Variants in ASTE1 observed in about 807,000 individuals in gnomAD.
ASTE1 encodes asteroid structure-specific endonuclease 1.
A neutral mutation model predicts 45.8 loss-of-function variants in ASTE1; 49 were observed. That is an observed-to-expected ratio of 1.07 (90% confidence interval 0.85 to 1.36). The LOEUF (loss-of-function observed/expected upper bound fraction) is 1.36. Ranked by LOEUF, ASTE1 falls within the 40% of genes most tolerant of loss-of-function variation. ASTE1 has a pLI of 0.00. For missense variants in ASTE1, 709 were observed against 804.0 expected (o/e 0.88, Z 1.43); for synonymous variants, 296 against 303.9 (o/e 0.97, Z 0.27).
At position 131,014,127 on chromosome 3, in the gene ASTE1, C is replaced by G. The variant is rs751936370; in HGVS notation, c.1970G>C (p.Gly657Ala). ...TTAHTKCWYEGNNRFGLLMVE... is the reference protein window; with the variant it reads ...TTAHTKCWYEANNRFGLLMVE... ...CATTAACAACCCAAACCGGTTGTTTCCCTCATACCAACACTTGGTGTGTGC... is the reference window on the plus strand; with the variant it reads ...CATTAACAACCCAAACCGGTTGTTTGCCTCATACCAACACTTGGTGTGTGC... The change falls in exon 6 of 6, where the codon GGA becomes GCA. Residue 657 changes from glycine to alanine, a missense_variant. Coordinates refer to ENST00000264992, the MANE Select transcript of ASTE1 (RefSeq NM_014065.4). The G allele has an allele frequency of 1.9e-6, 3 of 1,612,364 alleles. No individual in the cohort carries two copies. The highest frequency in any genetic ancestry group is 2.2e-5 in the South Asian group (2 of 90,458).
intron 4 of ASTE1, among the ~76,000 whole-genome samples, chr3:131,017,808 A>G (rs1343147007): frequency 6.6e-6 from 1 of 151,752 alleles, no homozygotes; most frequent in Non-Finnish European, 1.5e-5. Flanking sequence ...CGTCTCTACT[A>G]AAAATACAAA....
chr3:131,025,521 T>C lies in ASTE1; in HGVS notation c.-73A>G. The C allele has an allele frequency of 1.3e-6, 1 of 749,576 alleles. No homozygotes were observed. The allele number at this position is 749,576 out of a possible 1,614,324, so 46.4% of individuals were successfully genotyped here. The stretch of plus-strand genomic sequence containing the variant: ...CTGTGCTTTTTCATTCTCCTTTGCT[T>C]TCTGATACAAGGCACAAATTCAATG... On this transcript the variant is annotated 5_prime_UTR_variant, in exon 2 of 6. Coordinates refer to ENST00000264992, the MANE Select transcript of ASTE1 (RefSeq NM_014065.4).
rs200283943 is a variant in ASTE1, at chr3:131,016,299, A to T, written c.1554T>A (p.Tyr518Ter). Residue 518 changes from tyrosine (Y) to a stop codon, truncating the protein, a stop_gained, in exon 5 of 6, where the codon TAT becomes TAA. Coordinates refer to ENST00000264992, the MANE Select transcript of ASTE1 (RefSeq NM_014065.4). LOFTEE classifies it high-confidence loss of function. Reference sequence around the variant, plus strand: ...GCGCCTTCACTCTTTGGAACTCTGCATACAACATCTTAGCACCATCTTCCT... The same window carrying T: ...GCGCCTTCACTCTTTGGAACTCTGCTTACAACATCTTAGCACCATCTTCCT... ...ELQEDGAKML[Y>*]AEFQRVKAQT... is the part of the protein sequence containing the mutation. 1 of 1,614,088 alleles carries T rather than the reference A, an allele frequency of 6.2e-7. No individual in the cohort carries two copies. The highest frequency in any genetic ancestry group is 8.5e-7 in the Non-Finnish European group (1 of 1,180,048).
intron 3 of ASTE1, 22 bp downstream of exon 3, chr3:131,023,983 C>A (rs772763973): frequency 5.2e-6 from 8 of 1,546,350 alleles, no homozygotes; most frequent in Non-Finnish European, 6.1e-6. Context: ...ACAAAAATTT[C>A]ATTAGTATTA....
chr3:131,018,514 T>C lies in ASTE1; in HGVS notation c.1505A>G (p.Asn502Ser). Residue 502 changes from asparagine (N) to serine (S), a missense_variant, in exon 4 of 6, where the codon AAC becomes AGC. Coordinates refer to ENST00000264992, the MANE Select transcript of ASTE1 (RefSeq NM_014065.4). ...MLVGPLIAII[N>S]SPGKEELQED... is the part of the protein sequence containing the mutation. ...AATTTCCAGTTACCTACCAGGGCTGTTGATTATGGCAATCAAGGGCCCCAC... is the reference window on the plus strand; with the variant it reads ...AATTTCCAGTTACCTACCAGGGCTGCTGATTATGGCAATCAAGGGCCCCAC... 1 of 1,613,910 alleles carries C rather than the reference T, an allele frequency of 6.2e-7. No individual in the cohort carries two copies. The highest frequency in any genetic ancestry group is 8.5e-7 in the Non-Finnish European group (1 of 1,179,884).
chr3:131,016,830 C>A (rs896201128), intron 4 of ASTE1: 1 of 431,010 alleles, frequency 2.3e-6, no homozygotes, highest in South Asian at 2.2e-5. Flanking sequence ...GGCAAATAAT[C>A]ATTTTCTTTT....
At chr3:131,017,058 AAAG>A in intron 4 of ASTE1, 7 of 1,289,320 alleles carry the variant, frequency 5.4e-6, no homozygotes, top group Non-Finnish European at 6.1e-6. Context: ...TCCTAAAAGA[AAAG>A]AAACAGACCC....
At chr3:131,017,044 C>T in intron 4 of ASTE1, 2 of 1,289,360 alleles carry the variant, frequency 1.6e-6, no homozygotes, top group Non-Finnish European at 2.0e-6. Context: ...ACAGGGTCCA[C>T]ATTTCCTAAA....
chr3:131,025,021 C>T lies in ASTE1; in HGVS notation c.286G>A (p.Ala96Thr). The change falls in exon 3 of 6, where the codon GCT (alanine) becomes ACT (threonine). Residue 96 changes from alanine to threonine, a missense_variant. Transcript: ENST00000264992. ...TGGGCCATCTGGATCTTCTCTCTAGCTCTATCCTTTAAAGTTGTAAGCTTT... is the reference window on the plus strand; with the variant it reads ...TGGGCCATCTGGATCTTCTCTCTAGTTCTATCCTTTAAAGTTGTAAGCTTT... ...DKKLTTLKDR[A>T]REKIQMAHSL... 6.2e-7 allele frequency: 1 copy of T among 1,601,826 alleles called. No homozygotes were observed. Among genetic ancestry groups the T allele is most frequent in the South Asian group, 1.1e-5 (1 of 88,804 alleles).
At chr3:131,019,364 T>C (rs1355090947) in intron 3 of ASTE1, among the ~76,000 whole-genome samples, 1 of 152,212 alleles carries the variant, frequency 6.6e-6, no homozygotes, top group African/African-American at 2.4e-5. Context: ...TAGAGGTATA[T>C]TCAAGGGAGA....
intron 4 of ASTE1, chr3:131,016,974 TA>T: frequency 7.8e-7 from 1 of 1,287,830 alleles, no homozygotes; most frequent in Non-Finnish European, 1.0e-6. Context: ...TTGAAAATAA[TA>T]AAAAGGAGGC....
intron 5 of ASTE1, 182 bp downstream of exon 5, chr3:131,015,962 A>C (rs2063606656): frequency 1.3e-6 from 1 of 783,814 alleles, no homozygotes; most frequent in South Asian, 1.5e-5. Context: ...GAAATAATTT[A>C]ATATTTTTCC....
intron 4 of ASTE1, chr3:131,016,903 T>C (rs1029046487): frequency 1.1e-6 from 1 of 910,376 alleles, no homozygotes; most frequent in African/African-American, 1.8e-5. Flanking sequence ...TGTGTGTTTT[T>C]AGCTGTAAGT....
chr3:131,018,437 G>T lies in ASTE1; in HGVS notation c.1513+69C>A, dbSNP rs2063695842. 1.2e-5 allele frequency: 17 copies of T among 1,455,650 alleles called. No homozygotes were observed. In the Admixed American group the frequency reaches 1.6e-4, roughly 14 times the overall value. The allele number at this position is 1,455,650 out of a possible 1,614,324, so 90.2% of individuals were successfully genotyped here. A position where few individuals can be genotyped will look rare whatever the true frequency, so the allele number is the denominator to read the frequency against. ...ATAATCCAAGAATACTTTTTTGTTTGTGTAAACTCGAGTAAACAGTTTGCA... is the reference window on the plus strand; with the variant it reads ...ATAATCCAAGAATACTTTTTTGTTTTTGTAAACTCGAGTAAACAGTTTGCA... On this transcript the variant is annotated intron_variant, in intron 4 of 5. Coordinates refer to ENST00000264992, the MANE Select transcript of ASTE1 (RefSeq NM_014065.4).
intron 1 of ASTE1, among the ~76,000 whole-genome samples, chr3:131,025,838 ACAAT>A (rs777082633): frequency 2.0e-5 from 3 of 152,218 alleles, no homozygotes; most frequent in Non-Finnish European, 4.4e-5. Context: ...TTTTGTATTG[ACAAT>A]CAGTCACGGA....
chr3:131,014,082 T>A lies in ASTE1; in HGVS notation c.2015A>T (p.His672Leu), dbSNP rs2063456373. The A allele has an allele frequency of 6.3e-7, 1 of 1,597,996 alleles. No homozygotes were observed. The highest frequency in any genetic ancestry group is 1.4e-5 in the African/African-American group (1 of 73,632). ...GLLMVENLEE[H>L]SEASNIE ...TTATTCAATGTTGGAGGCCTCACTA[T>A]GTTCCTCTAAGTTTTCAACCATTAA... Residue 672 changes from histidine to leucine, a missense_variant, in exon 6 of 6, where the codon CAT becomes CTT. Transcript: ENST00000264992.
intron 4 of ASTE1, chr3:131,016,848 G>T: frequency 2.0e-6 from 1 of 488,802 alleles, no homozygotes; most frequent in Non-Finnish European, 3.3e-6. Flanking sequence ...TTTCATAGTA[G>T]AGGATAAGGG....
At chr3:131,021,990 G>A (rs1398104093) in intron 3 of ASTE1, among the ~76,000 whole-genome samples, 1 of 152,096 alleles carries the variant, frequency 6.6e-6, no homozygotes, top group South Asian at 2.1e-4. Context: ...ACTGACTTAC[G>A]CTCCACTTTC....
chr3:131,021,084 G>A (rs1418053702), intron 3 of ASTE1, among the ~76,000 whole-genome samples: 4 of 152,032 alleles, frequency 2.6e-5, no homozygotes, highest in Non-Finnish European at 5.9e-5. Flanking sequence ...TCACAAAAGT[G>A]GTAACCATAA....
Sources: allele counts gnomAD v4.1 joint callset (sites outside exome capture counted in the v4.1 genomes callset), GRCh38; gene constraint gnomAD v4.1.1; transcripts MANE v1.5; gene names NCBI Gene and HGNC (gene_info 2026-07-23, HGNC 2026-07-21).